Variants in RPAP2 observed in about 807,000 individuals in gnomAD.
RPAP2 encodes the protein putative RNA polymerase II subunit B1 CTD phosphatase RPAP2.
Under a neutral mutation model 73.1 loss-of-function variants are expected in RPAP2, and 52 were observed. The observed-to-expected ratio is 0.71, with a 90% CI of 0.57 to 0.90. The LOEUF is 0.90. RPAP2 is among the 40% of genes least tolerant of loss of function. The probability of loss-of-function intolerance (pLI) is 0.00; values close to 1 mark genes in which losing one functional copy is unlikely to be tolerated. For synonymous variants in RPAP2, 225 were observed against 242.1 expected (o/e 0.93, Z 0.65); for missense variants, 598 against 701.8 (o/e 0.85, Z 1.67).
intron 11 of RPAP2, among the ~76,000 whole-genome samples, chr1:92,350,995 A>C (rs983137086): frequency 5.9e-5 from 9 of 152,148 alleles, no homozygotes; most frequent in South Asian, 2.1e-4. Flanking sequence ...AAAGCTTATT[A>C]ATGTATTTAT....
chr1:92,341,198 G>A (rs560058007), intron 10 of RPAP2, among the ~76,000 whole-genome samples: 2 of 152,068 alleles, frequency 1.3e-5, no homozygotes, highest in African/African-American at 4.8e-5. Flanking sequence ...TTGTAGAGAC[G>A]AGGTTTCACC....
At chr1:92,364,264 T>C (rs1159889118) in intron 11 of RPAP2, among the ~76,000 whole-genome samples, 4 of 152,098 alleles carry the variant, frequency 2.6e-5, no homozygotes, top group Non-Finnish European at 4.4e-5. Flanking sequence ...AGAAAGCAGA[T>C]TGCAACATTT....
Position 92,300,239 on chromosome 1 carries a change from G to C in RPAP2, c.119G>C (p.Arg40Thr), listed in dbSNP as rs769344934. ...TTGAAACAAGAAGATGCTTCTAAAA[G>C]GTATGACAGCTACATGGACAACTAC... ...STLKQEDASK[R>T]KAELEAAVRK... The change falls in exon 2 of 13, where the codon AGG (arginine) becomes ACG (threonine). Residue 40 changes from arginine (R) to threonine (T), a missense_variant and splice_region_variant. Transcript: ENST00000610020. 1.9e-6 allele frequency: 3 copies of C among 1,606,014 alleles called. No individual in the cohort carries two copies. The highest frequency in any genetic ancestry group is 8.5e-7 in the Non-Finnish European group (1 of 1,173,320).
chr1:92,336,799 C>T (rs1376440728), intron 10 of RPAP2, among the ~76,000 whole-genome samples: 1 of 152,062 alleles, frequency 6.6e-6, no homozygotes. Context: ...TAGTGCCACC[C>T]TAAAGGAAGA....
Position 92,397,285 on chromosome 1 carries a change from G to GA in RPAP2, c.*10275dup, listed in dbSNP as rs1656205745. ...TATGCCTGGAGTCCCAGCTACTCAG[G>GA]AGTCAGAGGTGGGAGGATCACTTGA... On this transcript the variant is annotated 3_prime_UTR_variant, in exon 13 of 13. Transcript: ENST00000610020. 6.6e-6 allele frequency: 1 copy of GA among 152,264 alleles called. No homozygotes were observed. The highest frequency in any genetic ancestry group is 2.4e-5 in the African/African-American group (1 of 41,438). The allele number at this position is 152,264 out of a possible 1,614,324, so 9.4% of individuals were successfully genotyped here.
At chr1:92,362,719 T>C (rs1313131382) in intron 11 of RPAP2, among the ~76,000 whole-genome samples, 1 of 152,208 alleles carries the variant, frequency 6.6e-6, no homozygotes, top group Non-Finnish European at 1.5e-5. Context: ...ATTTTATTTA[T>C]ATACTAATTT....
chr1:92,348,922 G>T (rs555626763), intron 11 of RPAP2, among the ~76,000 whole-genome samples: 1 of 152,254 alleles, frequency 6.6e-6, no homozygotes, highest in African/African-American at 2.4e-5. Flanking sequence ...TGGATAAATA[G>T]CCTTACAGTG....
chr1:92,335,817 G>T (rs1163882928), intron 9 of RPAP2, among the ~76,000 whole-genome samples: 2 of 151,882 alleles, frequency 1.3e-5, no homozygotes, highest in East Asian at 3.9e-4. Flanking sequence ...CACTACTAAA[G>T]CTATTTCTGC....
At position 92,377,393 on chromosome 1, in the gene RPAP2, C is replaced by CCTA. The variant is rs1278706688; in HGVS notation, c.1689-3329_1689-3328insACT. Among the ~76,000 whole-genome samples, 14 of 152,116 alleles carry CCTA rather than the reference C, an allele frequency of 9.2e-5. No individual in the cohort carries two copies. In the East Asian group the frequency reaches 2.7e-3, roughly 29 times the overall value. ...CATTAGCTGGGCGTGGTGGCACACG[C>CCTA]CTGTAGTCCAGCTACTCAGGAGGCT... On this transcript the variant is annotated intron_variant, in intron 11 of 12. Coordinates refer to ENST00000610020, the MANE Select transcript of RPAP2 (RefSeq NM_024813.3).
chr1:92,371,402 A>C (rs929041424), intron 11 of RPAP2, among the ~76,000 whole-genome samples: 1 of 151,528 alleles, frequency 6.6e-6, no homozygotes, highest in African/African-American at 2.4e-5. Flanking sequence ...TAGGTAGATA[A>C]ATAAGACAGA....
In RPAP2 at chr1:92,304,066, G is replaced by T; in HGVS notation, c.324G>T (p.Lys108Asn). The change falls in exon 4 of 13, where the codon AAG (lysine) becomes AAT (asparagine). Residue 108 changes from lysine to asparagine, a missense_variant. Physicochemically the swap from Lys to Asn is moderately conservative, Grantham distance 94 (BLOSUM62 0). This residue lies in a region of RPAP2 where 506 missense variants were observed against 612.8 expected (regional missense o/e 0.83). Transcript: ENST00000610020. ...GTGGTTATCCTTTATGTCAGAAGAA[G>T]CTGGGAATTGTAAGTAACTCATTTT... ...KLCGYPLCQK[K>N]LGIVPKQKYK... 1 of 1,603,862 alleles carries T rather than the reference G, an allele frequency of 6.2e-7. No individual in the cohort carries two copies. The highest frequency in any genetic ancestry group is 8.5e-7 in the Non-Finnish European group (1 of 1,175,340).
rs1373062427 is a variant in RPAP2, at chr1:92,352,025, A to G, written c.1688+6111A>G. On this transcript the variant is annotated intron_variant, in intron 11 of 12. Transcript: ENST00000610020. ...GAGTACTTTGTATTACTCAGAAAGG[A>G]TAGAGGATAAAGTGACTTGTAGTAG... Among the ~76,000 whole-genome samples, 5 of 152,144 alleles carry G rather than the reference A, an allele frequency of 3.3e-5. No individual in the cohort carries two copies. The East Asian group carries it at 9.6e-4, about 29-fold the overall frequency.
chr1:92,351,429 A>G (rs915360525), intron 11 of RPAP2, among the ~76,000 whole-genome samples: 3 of 152,152 alleles, frequency 2.0e-5, no homozygotes, highest in Non-Finnish European at 4.4e-5. Flanking sequence ...GTTACCCACA[A>G]TATAAGAAAC....
intron 8 of RPAP2, among the ~76,000 whole-genome samples, chr1:92,331,275 A>G (rs1270664764): frequency 2.0e-5 from 3 of 152,202 alleles, no homozygotes; most frequent in African/African-American, 7.2e-5. Flanking sequence ...GTCAAGGACA[A>G]TCTGTCTAGA....
rs1251698379 is a variant in RPAP2 at position 92,393,507 on chromosome 1, A to G, written c.*6496A>G. ...GGTTCTAATTAAAGAGCTTCTGCACAGCAAAATAAACTATCATCAGAGTGA... is the reference window on the plus strand; with the variant it reads ...GGTTCTAATTAAAGAGCTTCTGCACGGCAAAATAAACTATCATCAGAGTGA... On this transcript the variant is annotated 3_prime_UTR_variant, in exon 13 of 13. Coordinates refer to ENST00000610020, the MANE Select transcript of RPAP2 (RefSeq NM_024813.3). 6.6e-6 allele frequency: 1 copy of G among 152,262 alleles called. No individual in the cohort carries two copies. The highest frequency in any genetic ancestry group is 2.4e-5 in the African/African-American group (1 of 41,468). The allele number at this position is 152,262 out of a possible 1,614,324, so 9.4% of individuals were successfully genotyped here.
At chr1:92,359,100 G>A (rs559802503) in intron 11 of RPAP2, among the ~76,000 whole-genome samples, 19 of 152,192 alleles carry the variant, frequency 1.2e-4, no homozygotes, top group East Asian at 1.2e-3. Flanking sequence ...ACTAGTAACA[G>A]CCTAGTTAAA....
At position 92,397,914 on chromosome 1, in the gene RPAP2, TG is replaced by T. The variant is rs1656226074; in HGVS notation, c.*10906del. 6.6e-6 allele frequency: 1 copy of T among 152,524 alleles called. No individual in the cohort carries two copies. The highest frequency in any genetic ancestry group is 1.5e-5 in the Non-Finnish European group (1 of 68,522). The allele number at this position is 152,524 out of a possible 1,614,324, so 9.4% of individuals were successfully genotyped here. A position where few individuals can be genotyped will look rare whatever the true frequency, so the allele number is the denominator to read the frequency against. The stretch of plus-strand genomic sequence containing the variant: ...GCTCACGCCTGTAATCCCAGCACTT[TG>T]GGAGACTGAGGTGGGAGGATGACTT... On this transcript the variant is annotated 3_prime_UTR_variant, in exon 13 of 13. Coordinates refer to ENST00000610020, the MANE Select transcript of RPAP2 (RefSeq NM_024813.3).
At position 92,395,354 on chromosome 1, in the gene RPAP2, G is replaced by A. The variant is rs543695185; in HGVS notation, c.*8343G>A. 1.2e-4 allele frequency: 18 copies of A among 152,134 alleles called. No homozygotes were observed. The highest frequency in any genetic ancestry group is 4.3e-4 in the African/African-American group (18 of 41,534). The allele number at this position is 152,134 out of a possible 1,614,324, so 9.4% of individuals were successfully genotyped here. A position where few individuals can be genotyped will look rare whatever the true frequency, so the allele number is the denominator to read the frequency against. Reference sequence around the variant, plus strand: ...CAAAAAACTATTAAGAAAATTAATTGGCCCGGGGAGGTGGTTCACATCTGA... The same window carrying A: ...CAAAAAACTATTAAGAAAATTAATTAGCCCGGGGAGGTGGTTCACATCTGA... On this transcript the variant is annotated 3_prime_UTR_variant, in exon 13 of 13. Transcript: ENST00000610020.
chr1:92,327,400 T>G (rs1225525983), intron 8 of RPAP2, among the ~76,000 whole-genome samples: 2 of 152,250 alleles, frequency 1.3e-5, no homozygotes, highest in African/African-American at 4.8e-5. Context: ...AGTCCTTTTA[T>G]CATTGTATAA....
Sources: gnomAD v4.1 joint callset for allele counts (sites outside exome capture counted in the v4.1 genomes callset) on GRCh38, gnomAD v4.1.1 for gene constraint, gnomAD v4.1.1 regional missense constraint, MANE v1.5 for transcripts, NCBI Gene and HGNC (gene_info 2026-07-23, HGNC 2026-07-21) for gene names.